The following CPQ variants were observed in gnomAD, a reference collection of about 807,000 sequenced individuals.
CPQ encodes the protein carboxypeptidase Q.
A neutral mutation model predicts 45.7 loss-of-function variants in CPQ; 37 were observed. The ratio of observed to expected loss-of-function variants is 0.81; its 90% CI spans 0.62 to 1.07. The LOEUF (loss-of-function observed/expected upper bound fraction) is 1.07, where lower values mean the gene tolerates loss of function less well. Among genes scored for constraint, CPQ ranks in the 50% least tolerant of loss-of-function variants. CPQ has a pLI of 0.00. For missense variants in CPQ, 537 were observed against 572.9 expected (o/e 0.94, Z 0.64); for synonymous variants, 186 against 205.8 (o/e 0.90, Z 0.82).
chr8:97,019,507 A>C lies in CPQ; in HGVS notation c.962-9896A>C, dbSNP rs530232061. Among the ~76,000 whole-genome samples, 74 of 152,314 alleles carry C rather than the reference A, an allele frequency of 4.9e-4. 1 individual carries two copies. The South Asian group carries it at 9.9e-3, about 20-fold the overall frequency. The stretch of plus-strand genomic sequence containing the variant: ...ACACCTAACACTTAAGTGCTCACAT[A>C]AACTTAAGGTAAACGGATAGAAAAA... On this transcript the variant is annotated intron_variant, in intron 5 of 7. Coordinates refer to ENST00000220763, the MANE Select transcript of CPQ (RefSeq NM_016134.4).
chr8:97,139,968 T>A (rs1023527888), intron 7 of CPQ, among the ~76,000 whole-genome samples: 9 of 151,696 alleles, frequency 5.9e-5, no homozygotes, highest in Non-Finnish European at 1.2e-4. Context: ...ATTTTTTCTT[T>A]TTCTTCAAAT....
chr8:96,758,356 T>C (rs1161927476), intron 1 of CPQ, among the ~76,000 whole-genome samples: 1 of 152,216 alleles, frequency 6.6e-6, no homozygotes, highest in Non-Finnish European at 1.5e-5. Context: ...TCTTTTCTTA[T>C]ATTTTTTTGA....
chr8:96,926,711 G>T (rs541680194), intron 4 of CPQ, among the ~76,000 whole-genome samples: 1 of 150,422 alleles, frequency 6.6e-6, no homozygotes, highest in Non-Finnish European at 1.5e-5. Flanking sequence ...AAGTTCTGGG[G>T]TACATGTGCA....
At chr8:96,915,669 G>T (rs1812724174) in intron 4 of CPQ, among the ~76,000 whole-genome samples, 1 of 152,048 alleles carries the variant, frequency 6.6e-6, no homozygotes, top group Non-Finnish European at 1.5e-5. Context: ...TCTCTTGAGG[G>T]TCACGTATCC....
Position 96,836,801 on chromosome 8 carries a change from T to C in CPQ, c.641+1621T>C, listed in dbSNP as rs111695982. ...TGTCAGGATTCACTGGCATTTTTTT[T>C]TTTTTTTCTGGCATAATGAAGACAT... On this transcript the variant is annotated intron_variant, in intron 3 of 7. Coordinates refer to ENST00000220763, the MANE Select transcript of CPQ (RefSeq NM_016134.4). Among the ~76,000 whole-genome samples the C allele has an allele frequency of 2.4e-3, 370 of 152,198 alleles. 2 individuals carry two copies. The highest frequency in any genetic ancestry group is 8.6e-3 in the African/African-American group (357 of 41,524).
intron 7 of CPQ, among the ~76,000 whole-genome samples, chr8:97,103,139 TA>T (rs1219573559): frequency 6.6e-6 from 1 of 152,156 alleles, no homozygotes; most frequent in Non-Finnish European, 1.5e-5. Context: ...TAACTCAGGA[TA>T]ATCAACCATC....
intron 7 of CPQ, among the ~76,000 whole-genome samples, chr8:97,071,068 GT>G (rs1395992324): frequency 6.6e-6 from 1 of 152,176 alleles, no homozygotes; most frequent in African/African-American, 2.4e-5. Flanking sequence ...GCCAAGAAGA[GT>G]TTACTCCTCT....
intron 5 of CPQ, among the ~76,000 whole-genome samples, chr8:96,978,358 G>T (rs1224699380): frequency 6.6e-6 from 1 of 152,190 alleles, no homozygotes. Context: ...GATAAAGCAA[G>T]ATTTGTTTAC....
chr8:96,881,118 A>C (rs1812218232), intron 4 of CPQ, among the ~76,000 whole-genome samples: 1 of 152,178 alleles, frequency 6.6e-6, no homozygotes, highest in South Asian at 2.1e-4. Flanking sequence ...TAATTATCTT[A>C]TTTAATCCTT....
At position 97,123,029 on chromosome 8, in the gene CPQ, AAAATAAAATAAAAT is replaced by A. The variant is rs1415688422; in HGVS notation, c.1256-19973_1256-19960del. Among the ~76,000 whole-genome samples the A allele has an allele frequency of 5.3e-4, 32 of 60,070 alleles. 2 individuals are homozygous for A. Among genetic ancestry groups the A allele is most frequent in the East Asian group, 2.9e-3 (6 of 2,064 alleles). 39.4% of individuals were successfully genotyped at this position (60,070 alleles called of 152,430 possible). On this transcript the variant is annotated intron_variant, in intron 7 of 7. Transcript: ENST00000220763. ...TAAAATAAAATAAAATAAAATAAAT[AAAATAAAATAAAAT>A]AAATAAAATAAAATAAAATAAAAAA...
chr8:96,980,853 G>A (rs567704050), intron 5 of CPQ, among the ~76,000 whole-genome samples: 2 of 152,318 alleles, frequency 1.3e-5, no homozygotes, highest in African/African-American at 4.8e-5. Flanking sequence ...GTAGTGAAGA[G>A]CACTTAATAG....
At chr8:97,100,904 G>T (rs769365441) in intron 7 of CPQ, among the ~76,000 whole-genome samples, 1 of 152,074 alleles carries the variant, frequency 6.6e-6, no homozygotes, top group Non-Finnish European at 1.5e-5. Context: ...AATTATTTTA[G>T]TACTCCTAAG....
chr8:96,883,620 A>G (rs761383061), intron 4 of CPQ, among the ~76,000 whole-genome samples: 14 of 152,138 alleles, frequency 9.2e-5, no homozygotes, highest in Admixed American at 2.6e-4. Context: ...CTGGCCTGGA[A>G]CCGCAGGGGA....
At chr8:96,877,985 C>T (rs945377316) in intron 3 of CPQ, among the ~76,000 whole-genome samples, 3 of 151,344 alleles carry the variant, frequency 2.0e-5, no homozygotes, top group East Asian at 1.9e-4. Context: ...TTTTCTGAGA[C>T]GGAGTCTCGC....
chr8:97,028,280 G>A (rs909980363), intron 5 of CPQ, among the ~76,000 whole-genome samples: 1 of 152,224 alleles, frequency 6.6e-6, no homozygotes, highest in Non-Finnish European at 1.5e-5. Context: ...GAGCCTGGAA[G>A]AGGCAGGAGA....
intron 1 of CPQ, among the ~76,000 whole-genome samples, chr8:96,750,050 G>A (rs1420789425): frequency 6.6e-6 from 1 of 151,784 alleles, no homozygotes; most frequent in Non-Finnish European, 1.5e-5. Flanking sequence ...AGGGGTATAT[G>A]ATGTATTATC....
chr8:96,836,012 C>G (rs545215577), intron 3 of CPQ, among the ~76,000 whole-genome samples: 3 of 152,052 alleles, frequency 2.0e-5, no homozygotes, highest in Non-Finnish European at 4.4e-5. Context: ...AGTTTAATAG[C>G]TATTATGGCA....
chr8:96,927,759 G>A (rs1812911912), intron 4 of CPQ, among the ~76,000 whole-genome samples: 1 of 152,156 alleles, frequency 6.6e-6, no homozygotes, highest in Non-Finnish European at 1.5e-5. Context: ...AAACACATCA[G>A]AGAGGAATTT....
rs527337906 is a variant in CPQ, at chr8:96,834,966, T to C, written c.434-7T>C. The stretch of plus-strand genomic sequence containing the variant: ...GTAAGTTAATCTTGCATGACTTTTA[T>C]TTCTAGGCATTACAGCAGAAGTTCT... On this transcript the variant is annotated splice_polypyrimidine_tract_variant and splice_region_variant and intron_variant, in intron 2 of 7. Transcript: ENST00000220763. 6.2e-7 allele frequency: 1 copy of C among 1,610,796 alleles called. No homozygotes were observed. Among genetic ancestry groups the C allele is most frequent in the African/African-American group, 1.3e-5 (1 of 74,928 alleles).
Sources: allele counts gnomAD v4.1 joint callset (sites outside exome capture counted in the v4.1 genomes callset), GRCh38; gene constraint gnomAD v4.1.1; transcripts MANE v1.5; gene names NCBI Gene and HGNC (gene_info 2026-07-23, HGNC 2026-07-21).